The following COMMD1 variants were observed in gnomAD, a reference collection of about 807,000 sequenced individuals.
COMMD1 encodes COMM domain-containing protein 1.
Under a neutral mutation model 17.2 loss-of-function variants are expected in COMMD1, and 10 were observed. The observed-to-expected ratio is 0.58, with a 90% CI of 0.36 to 0.99. The LOEUF (loss-of-function observed/expected upper bound fraction) is 0.99. COMMD1 is among the 50% of genes least tolerant of loss of function. The pLI, the probability that COMMD1 is intolerant of heterozygous loss-of-function variation, is 0.01. For synonymous variants in COMMD1, 97 were observed against 91.6 expected (o/e 1.06, Z -0.34); for missense variants, 270 against 231.8 (o/e 1.17, Z -1.07).
intron 2 of COMMD1, among the ~76,000 whole-genome samples, chr2:62,078,827 A>G (rs1006688052): frequency 3.3e-5 from 5 of 151,842 alleles, no homozygotes; most frequent in Non-Finnish European, 5.9e-5. Context: ...CAGTGAGCCA[A>G]GATTGCGCCA....
chr2:62,008,081 G>A (rs1377011688), intron 2 of COMMD1, among the ~76,000 whole-genome samples: 2 of 152,106 alleles, frequency 1.3e-5, no homozygotes, highest in South Asian at 2.1e-4. Context: ...ACTCGATAGA[G>A]TGAGGATCCC....
chr2:61,889,050 C>T (rs1203242734), intron 1 of COMMD1, among the ~76,000 whole-genome samples: 1 of 151,152 alleles, frequency 6.6e-6, no homozygotes, highest in East Asian at 2.0e-4. Flanking sequence ...TTACAGGCGT[C>T]CGCCACCATG....
chr2:62,012,327 AT>A (rs57069379), intron 2 of COMMD1, among the ~76,000 whole-genome samples: 10,186 of 127,564 alleles, frequency 0.08, 983 homozygotes, highest in African/African-American at 0.23. Flanking sequence ...TTTGGCAGTG[AT>A]TTTTTTTTTT....
intron 1 of COMMD1, among the ~76,000 whole-genome samples, chr2:61,953,595 C>G (rs1003426891): frequency 6.6e-5 from 10 of 151,896 alleles, no homozygotes; most frequent in African/African-American, 2.4e-5. Context: ...GTCTTGAACA[C>G]CTGAGCTCAG....
At chr2:61,973,760 G>C (rs1671713682) in intron 1 of COMMD1, among the ~76,000 whole-genome samples, 1 of 152,042 alleles carries the variant, frequency 6.6e-6, no homozygotes, top group South Asian at 2.1e-4. Context: ...TTGTGTAAGA[G>C]GTTATTTTTA....
At chr2:61,954,623 AG>A (rs1671145265) in intron 1 of COMMD1, among the ~76,000 whole-genome samples, 1 of 152,148 alleles carries the variant, frequency 6.6e-6, no homozygotes, top group South Asian at 2.1e-4. Flanking sequence ...CTGTAGGTAA[AG>A]ATAAAGGATA....
chr2:61,979,667 C>T (rs1671903346), intron 1 of COMMD1, among the ~76,000 whole-genome samples: 1 of 152,144 alleles, frequency 6.6e-6, no homozygotes, highest in African/African-American at 2.4e-5. Flanking sequence ...AATTTACCTT[C>T]CCACCAACAG....
intron 1 of COMMD1, among the ~76,000 whole-genome samples, chr2:61,932,763 G>A (rs1460296006): frequency 2.6e-5 from 4 of 152,174 alleles, no homozygotes; most frequent in African/African-American, 7.2e-5. Context: ...GCACATGAGC[G>A]AGTGCAGGAA....
intron 2 of COMMD1, among the ~76,000 whole-genome samples, chr2:62,016,857 A>C (rs766464306): frequency 3.9e-5 from 6 of 152,182 alleles, no homozygotes; most frequent in Non-Finnish European, 8.8e-5. Context: ...TCTTAGGCTT[A>C]GGTCTTTGAT....
intron 1 of COMMD1, among the ~76,000 whole-genome samples, chr2:61,967,903 A>G (rs1429544893): frequency 2.0e-5 from 3 of 152,178 alleles, no homozygotes; most frequent in Non-Finnish European, 2.9e-5. Flanking sequence ...GCTCATGCCT[A>G]TAATCCCAGC....
intron 1 of COMMD1, among the ~76,000 whole-genome samples, chr2:61,926,737 T>C (rs1670338259): frequency 6.6e-6 from 1 of 152,218 alleles, no homozygotes; most frequent in Admixed American, 6.5e-5. Context: ...CTGAGGCTAA[T>C]TGGAGCTTCA....
At chr2:61,902,304 G>A (rs780692338), upstream of COMMD1, among the ~76,000 whole-genome samples, 39 of 151,590 alleles carry the variant, frequency 2.6e-4, no homozygotes, top group Non-Finnish European at 4.4e-4. Context: ...TCGGGAGTTC[G>A]AGACCAGCGT....
chr2:61,973,484 G>T (rs1257143331), intron 1 of COMMD1, among the ~76,000 whole-genome samples: 1 of 152,156 alleles, frequency 6.6e-6, no homozygotes, highest in Admixed American at 6.5e-5. Flanking sequence ...TCATTGTCTT[G>T]ATTATTAGGT....
intron 2 of COMMD1, among the ~76,000 whole-genome samples, chr2:62,120,302 TG>T (rs1280825268): frequency 6.6e-6 from 1 of 150,730 alleles, no homozygotes; most frequent in Non-Finnish European, 1.5e-5. Flanking sequence ...CACCCAGCTG[TG>T]GGTTTTTTTT....
In COMMD1 at chr2:62,132,617, G is replaced by A. The variant is rs191185640; in HGVS notation, c.463-3214G>A. On this transcript the variant is annotated intron_variant, in intron 2 of 2. Transcript: ENST00000311832. ...TCCCAGCTCTTTGAAGGCCAAGGCA[G>A]GCAGATCACTTGAGGTCAGGAGTTC... Among the ~76,000 whole-genome samples the A allele has an allele frequency of 1.3e-3, 205 of 152,248 alleles. 4 individuals are homozygous for A. Among genetic ancestry groups the A allele is most frequent in the Admixed American group, 0.012 (184 of 15,296 alleles).
intron 2 of COMMD1, among the ~76,000 whole-genome samples, chr2:62,010,773 C>CA (rs1433095234): frequency 6.6e-6 from 1 of 152,182 alleles, no homozygotes; most frequent in Non-Finnish European, 1.5e-5. Flanking sequence ...TCACCACCCC[C>CA]AACTACTCTG....
At chr2:62,025,277 G>T (rs1316295423) in intron 2 of COMMD1, among the ~76,000 whole-genome samples, 1 of 151,638 alleles carries the variant, frequency 6.6e-6, no homozygotes, top group Non-Finnish European at 1.5e-5. Flanking sequence ...TCACACCCCA[G>T]TGCTTTGGGA....
chr2:61,900,954 T>C (rs1470409366), upstream of COMMD1, among the ~76,000 whole-genome samples: 2 of 152,182 alleles, frequency 1.3e-5, no homozygotes, highest in Non-Finnish European at 2.9e-5. Flanking sequence ...CTTTTATTTT[T>C]ATTTTTATTT....
chr2:61,895,446 C>G (rs1388883024), intron 1 of COMMD1, among the ~76,000 whole-genome samples: 1 of 152,166 alleles, frequency 6.6e-6, no homozygotes, highest in Non-Finnish European at 1.5e-5. Flanking sequence ...GGCTACAGCC[C>G]TCTTTGGCCT....
Sources: allele counts gnomAD v4.1 joint callset (sites outside exome capture counted in the v4.1 genomes callset), GRCh38; gene constraint gnomAD v4.1.1; transcripts MANE v1.5; gene names NCBI Gene and HGNC (gene_info 2026-07-23, HGNC 2026-07-21).